The following TACR1 variants were observed in gnomAD, a reference collection of about 807,000 sequenced individuals.
The protein encoded by TACR1 is tachykinin receptor 1.
A neutral mutation model predicts 35.8 loss-of-function variants in TACR1; 25 were observed. That is an observed-to-expected ratio of 0.70 (90% CI 0.51 to 0.98). TACR1 has a LOEUF of 0.98. Ranked by LOEUF, TACR1 falls within the 50% of genes least tolerant of loss-of-function variation. The probability of loss-of-function intolerance (pLI) is 0.00; values close to 1 mark genes in which losing one functional copy is unlikely to be tolerated. For synonymous variants in TACR1, 195 were observed against 206.7 expected (o/e 0.94, Z 0.48); for missense variants, 478 against 522.9 (o/e 0.91, Z 0.84).
In TACR1 at chr2:75,170,439, C is replaced by T. The variant is rs1675249695; in HGVS notation, c.389+28107G>A. 4.6e-5 allele frequency among the ~76,000 whole-genome samples: 7 copies of T among 152,252 alleles called. No individual in the cohort carries two copies. In the South Asian group the frequency reaches 1.5e-3, roughly 32 times the overall value. On this transcript the variant is annotated intron_variant, in intron 1 of 4. Coordinates refer to ENST00000305249, the MANE Select transcript of TACR1 (RefSeq NM_001058.4). ...CCAATCCTGAGTATGTCTTTATTAG[C>T]AGCATGAGAACAGACTAATACAGTA...
chr2:75,172,247 G>A (rs1418276753), intron 1 of TACR1, among the ~76,000 whole-genome samples: 1 of 152,136 alleles, frequency 6.6e-6, no homozygotes, highest in East Asian at 1.9e-4. Context: ...TTGATAACTG[G>A]CAGAATCCTT....
intron 1 of TACR1, among the ~76,000 whole-genome samples, chr2:75,144,162 G>A (rs1316208336): frequency 1.3e-5 from 2 of 152,208 alleles, no homozygotes; most frequent in Non-Finnish European, 2.9e-5. Flanking sequence ...GGGACAATAA[G>A]TGTGGTCTTA....
chr2:75,162,043 C>CAAAAA (rs35438025), intron 1 of TACR1, among the ~76,000 whole-genome samples: 47 of 94,040 alleles, frequency 5.0e-4, no homozygotes, highest in African/African-American at 1.3e-3. Context: ...TTGACTCTTC[C>CAAAAA]AAAAAAAAAA....
chr2:75,083,299 A>G (rs1424701307), intron 2 of TACR1, among the ~76,000 whole-genome samples: 1 of 152,168 alleles, frequency 6.6e-6, no homozygotes, highest in African/African-American at 2.4e-5. Context: ...CTGTTTTGGT[A>G]CCAGTACCAT....
At chr2:75,082,117 G>A (rs1673100186) in intron 2 of TACR1, among the ~76,000 whole-genome samples, 1 of 151,912 alleles carries the variant, frequency 6.6e-6, no homozygotes, top group African/African-American at 2.4e-5. Flanking sequence ...TTCCCTTCCT[G>A]TGTCCAAGTG....
intron 1 of TACR1, among the ~76,000 whole-genome samples, chr2:75,132,178 G>C (rs1282577865): frequency 6.6e-6 from 1 of 152,102 alleles, no homozygotes; most frequent in Non-Finnish European, 1.5e-5. Flanking sequence ...TCAAAATAAA[G>C]TATAAAATTG....
intron 1 of TACR1, among the ~76,000 whole-genome samples, chr2:75,196,154 C>G (rs980919672): frequency 6.6e-6 from 1 of 152,180 alleles, no homozygotes. Flanking sequence ...AATATACAAA[C>G]AGCTGATTTA....
intron 2 of TACR1, among the ~76,000 whole-genome samples, chr2:75,093,366 A>G (rs536606148): frequency 6.6e-6 from 1 of 152,358 alleles, no homozygotes; most frequent in East Asian, 1.9e-4. Context: ...AAGGCTTGTC[A>G]GTGACAGCTG....
At chr2:75,168,891 A>G (rs1482318449) in intron 1 of TACR1, among the ~76,000 whole-genome samples, 1 of 152,198 alleles carries the variant, frequency 6.6e-6, no homozygotes, top group Admixed American at 6.5e-5. Context: ...ATCACCAGAG[A>G]CTTTTTCCCC....
intron 2 of TACR1, among the ~76,000 whole-genome samples, chr2:75,088,480 C>T (rs1239099032): frequency 1.3e-5 from 2 of 152,172 alleles, no homozygotes; most frequent in Admixed American, 6.5e-5. Context: ...GTGCTTACTA[C>T]TTGGTTTTAA....
intron 2 of TACR1, among the ~76,000 whole-genome samples, chr2:75,105,673 A>G (rs1572933273): frequency 6.6e-6 from 1 of 152,172 alleles, no homozygotes; most frequent in South Asian, 2.1e-4. Context: ...ATAAAGCTGA[A>G]AAAAGATTAA....
chr2:75,079,226 A>G (rs565649100), intron 2 of TACR1, among the ~76,000 whole-genome samples: 2 of 151,840 alleles, frequency 1.3e-5, no homozygotes, highest in South Asian at 4.2e-4. Context: ...ACAGCTTTTC[A>G]CTCTCTCTTT....
intron 2 of TACR1, among the ~76,000 whole-genome samples, chr2:75,074,612 G>T (rs1672942640): frequency 6.6e-6 from 1 of 152,122 alleles, no homozygotes; most frequent in South Asian, 2.1e-4. Context: ...ATATGACCCA[G>T]ATTTTTCTTT....
chr2:75,176,012 CAAAAAAAAAAAA>C (rs34884122), intron 1 of TACR1, among the ~76,000 whole-genome samples: 1 of 109,598 alleles, frequency 9.1e-6, no homozygotes, highest in Non-Finnish European at 1.8e-5. Flanking sequence ...TTGAGCTGTC[CAAAAAAAAAAAA>C]AAAAAAAAGG....
chr2:75,102,195 A>G (rs1209182226), intron 2 of TACR1, among the ~76,000 whole-genome samples: 1 of 152,146 alleles, frequency 6.6e-6, no homozygotes, highest in African/African-American at 2.4e-5. Flanking sequence ...CAAGTACAAG[A>G]TAAGTGAATA....
At chr2:75,131,971 A>G (rs1189904619) in intron 1 of TACR1, among the ~76,000 whole-genome samples, 1 of 152,184 alleles carries the variant, frequency 6.6e-6, no homozygotes, top group Non-Finnish European at 1.5e-5. Context: ...CTCAATACAA[A>G]TCTGGCAAAC....
intron 2 of TACR1, among the ~76,000 whole-genome samples, chr2:75,084,605 G>T (rs1365355986): frequency 7.2e-5 from 11 of 152,222 alleles, no homozygotes; most frequent in African/African-American, 9.6e-5. Flanking sequence ...TAATTTCAGA[G>T]CCTGTTATTG....
chr2:75,120,779 G>A lies in TACR1; in HGVS notation c.390-11C>T, dbSNP rs1236990839. 3 of 1,586,816 alleles carry A rather than the reference G, an allele frequency of 1.9e-6. No homozygotes were observed. Among genetic ancestry groups the A allele is most frequent in the East Asian group, 2.3e-5 (1 of 44,160 alleles). On this transcript the variant is annotated splice_polypyrimidine_tract_variant and intron_variant, in intron 1 of 4. Transcript: ENST00000305249. ...ATGATGGCCATGTACCTGGAACAGA[G>A]AAGAAAGAACAAAGTTCTGATCTGG...
chr2:75,087,554 G>T (rs968335995), intron 2 of TACR1, among the ~76,000 whole-genome samples: 1 of 152,152 alleles, frequency 6.6e-6, no homozygotes, highest in Non-Finnish European at 1.5e-5. Flanking sequence ...TAAAACCCTT[G>T]CCTAAGGAAG....
Sources: allele counts gnomAD v4.1 joint callset (sites outside exome capture counted in the v4.1 genomes callset), GRCh38; gene constraint gnomAD v4.1.1; transcripts MANE v1.5; gene names NCBI Gene and HGNC (gene_info 2026-07-23, HGNC 2026-07-21).